Variants in GFRA1 observed in about 807,000 individuals in gnomAD.
GFRA1 encodes GDNF family receptor alpha 1.
Under a neutral mutation model 51.6 loss-of-function variants are expected in GFRA1, and 16 were observed. That is an observed-to-expected ratio of 0.31 (90% CI 0.21 to 0.47). The LOEUF (loss-of-function observed/expected upper bound fraction) is 0.47, where lower values mean the gene tolerates loss of function less well. Ranked by LOEUF, GFRA1 falls within the 20% of genes least tolerant of loss-of-function variation. The pLI is 1.00. For missense variants in GFRA1, 530 were observed against 594.3 expected (o/e 0.89, Z 1.13); for synonymous variants, 270 against 241.3 (o/e 1.12, Z -1.10).
intron 9 of GFRA1, among the ~76,000 whole-genome samples, chr10:116,070,496 C>G (rs1955329904): frequency 6.6e-6 from 1 of 152,116 alleles, no homozygotes; most frequent in South Asian, 2.1e-4. Flanking sequence ...GTAAGACAAG[C>G]CATGGGAAGA....
chr10:116,214,979 CTT>C (rs1965459937), intron 4 of GFRA1, among the ~76,000 whole-genome samples: 1 of 152,144 alleles, frequency 6.6e-6, no homozygotes, highest in African/African-American at 2.4e-5. Context: ...TCTTTTTCAG[CTT>C]TGTTTACATT....
chr10:116,068,396 A>G (rs1190691747), intron 9 of GFRA1, among the ~76,000 whole-genome samples: 1 of 152,254 alleles, frequency 6.6e-6, no homozygotes, highest in Non-Finnish European at 1.5e-5. Flanking sequence ...AAAGGATTGC[A>G]TATAGGTTTG....
At chr10:116,241,103 T>G (rs548479119) in intron 4 of GFRA1, among the ~76,000 whole-genome samples, 2 of 151,810 alleles carry the variant, frequency 1.3e-5, no homozygotes, top group Non-Finnish European at 2.9e-5. Flanking sequence ...TATTTTCACA[T>G]AGTGGATAAT....
chr10:116,077,060 C>CTTT (rs1355990349), intron 9 of GFRA1, among the ~76,000 whole-genome samples: 4 of 152,060 alleles, frequency 2.6e-5, no homozygotes, highest in Non-Finnish European at 5.9e-5. Context: ...TCATAAGAGA[C>CTTT]TTTATAAGAG....
At chr10:116,076,023 C>T (rs1409378768) in intron 9 of GFRA1, among the ~76,000 whole-genome samples, 4 of 151,878 alleles carry the variant, frequency 2.6e-5, no homozygotes, top group Admixed American at 6.6e-5. Context: ...GGATTACAGG[C>T]GTGACCACCG....
intron 4 of GFRA1, among the ~76,000 whole-genome samples, chr10:116,237,734 C>A (rs1186550149): frequency 6.6e-6 from 1 of 152,136 alleles, no homozygotes; most frequent in East Asian, 1.9e-4. Context: ...CCTGCAAAGA[C>A]CTGGGTCCTA....
intron 5 of GFRA1, among the ~76,000 whole-genome samples, chr10:116,155,415 G>A (rs563471418): frequency 1.3e-5 from 2 of 152,212 alleles, no homozygotes; most frequent in African/African-American, 4.8e-5. Flanking sequence ...TCCTCATGGG[G>A]TGCTGACAGA....
At chr10:116,210,575 A>G (rs955939320) in intron 5 of GFRA1, among the ~76,000 whole-genome samples, 5 of 152,220 alleles carry the variant, frequency 3.3e-5, no homozygotes, top group African/African-American at 9.6e-5. Flanking sequence ...TATAAAAGTA[A>G]GTCTATGACT....
At chr10:116,274,149 G>A (rs1484093045), upstream of GFRA1, among the ~76,000 whole-genome samples, 1 of 151,976 alleles carries the variant, frequency 6.6e-6, no homozygotes, top group Non-Finnish European at 1.5e-5. Flanking sequence ...CTGGTTCCCA[G>A]TCGTGCTGCT....
chr10:116,262,780 A>G (rs1178817295), intron 4 of GFRA1, among the ~76,000 whole-genome samples: 1 of 152,234 alleles, frequency 6.6e-6, no homozygotes, highest in Non-Finnish European at 1.5e-5. Context: ...AAGCCTTTGC[A>G]GACGGAAGCA....
intron 5 of GFRA1, among the ~76,000 whole-genome samples, chr10:116,192,255 A>C (rs1294850324): frequency 6.6e-6 from 1 of 152,060 alleles, no homozygotes; most frequent in African/African-American, 2.4e-5. Context: ...ACACAAATAA[A>C]TCTTCATTCC....
At chr10:116,118,932 C>G (rs374691430) in intron 6 of GFRA1, among the ~76,000 whole-genome samples, 61 of 152,264 alleles carry the variant, frequency 4.0e-4, no homozygotes, top group African/African-American at 1.2e-3. Context: ...CAGGGACAGG[C>G]TCCAGCAGGG....
At chr10:116,143,737 CAG>C (rs1413063675) in intron 5 of GFRA1, among the ~76,000 whole-genome samples, 18 of 152,040 alleles carry the variant, frequency 1.2e-4, no homozygotes, top group African/African-American at 4.1e-4. Context: ...GGAAGAGCCA[CAG>C]ATGGGAAATT....
intron 4 of GFRA1, among the ~76,000 whole-genome samples, chr10:116,225,346 C>T (rs1041582838): frequency 6.6e-6 from 1 of 151,664 alleles, no homozygotes; most frequent in Non-Finnish European, 1.5e-5. Context: ...ACCATCCTGG[C>T]CAACAAGGTG....
intron 5 of GFRA1, among the ~76,000 whole-genome samples, chr10:116,132,357 C>T (rs773826165): frequency 1.3e-5 from 2 of 152,052 alleles, no homozygotes; most frequent in Non-Finnish European, 2.9e-5. Context: ...GACATATGGG[C>T]GCTCATACAG....
At chr10:116,115,494 G>A (rs1195693486) in intron 6 of GFRA1, among the ~76,000 whole-genome samples, 6 of 151,762 alleles carry the variant, frequency 4.0e-5, no homozygotes, top group Admixed American at 3.9e-4. Context: ...GCCCAGCCCA[G>A]CCCTGCCCTG....
At chr10:116,184,666 G>T (rs1006019672) in intron 5 of GFRA1, among the ~76,000 whole-genome samples, 11 of 152,246 alleles carry the variant, frequency 7.2e-5, no homozygotes, top group African/African-American at 2.2e-4. Flanking sequence ...TATTTAACAT[G>T]TCTCATCAGA....
chr10:116,078,344 A>G (rs889130920), intron 9 of GFRA1, among the ~76,000 whole-genome samples: 1 of 152,148 alleles, frequency 6.6e-6, no homozygotes, highest in African/African-American at 2.4e-5. Flanking sequence ...ACGTGGGTGG[A>G]TTCTGGGATG....
intron 4 of GFRA1, among the ~76,000 whole-genome samples, chr10:116,222,127 T>C (rs535978012): frequency 3.3e-5 from 5 of 152,050 alleles, no homozygotes; most frequent in Non-Finnish European, 5.9e-5. Flanking sequence ...AAGAGCCAGG[T>C]GGGAGGTAAT....
Sources: allele counts gnomAD v4.1 joint callset (sites outside exome capture counted in the v4.1 genomes callset), GRCh38; gene constraint gnomAD v4.1.1; transcripts MANE v1.5; gene names NCBI Gene and HGNC (gene_info 2026-07-23, HGNC 2026-07-21).